Variants in PLEKHA5 observed in about 807,000 individuals in gnomAD.
PLEKHA5 encodes the protein pleckstrin homology domain containing A5, also known as pleckstrin homology domain-containing family A member 5.
In PLEKHA5, 55 loss-of-function variants were observed where a neutral mutation model predicts 181.9. The observed-to-expected ratio is 0.30, with a 90% CI of 0.24 to 0.38. PLEKHA5 has a LOEUF of 0.38. Ranked by LOEUF, PLEKHA5 falls within the 10% of genes least tolerant of loss-of-function variation. PLEKHA5 has a pLI of 1.00. For synonymous variants in PLEKHA5, 535 were observed against 529.4 expected, an observed-to-expected ratio of 1.01 and a Z score of -0.15; for missense variants, 1,432 against 1,549.5, an observed-to-expected ratio of 0.92 and a Z score of 1.27.
chr12:19,280,401 A>G (rs940336550), intron 11 of PLEKHA5, among the ~76,000 whole-genome samples: 2 of 152,116 alleles, frequency 1.3e-5, no homozygotes, highest in Non-Finnish European at 2.9e-5. Flanking sequence ...CTTTGGGTCA[A>G]AAGAGAGCTC....
At chr12:19,240,264 C>G (rs373726231) in intron 3 of PLEKHA5, among the ~76,000 whole-genome samples, 1 of 152,128 alleles carries the variant, frequency 6.6e-6, no homozygotes, top group East Asian at 1.9e-4. Context: ...AATTGTGTGG[C>G]AATTTATGTA....
intron 12 of PLEKHA5, among the ~76,000 whole-genome samples, chr12:19,286,279 A>G (rs1010089991): frequency 6.6e-6 from 1 of 152,216 alleles, no homozygotes; most frequent in East Asian, 1.9e-4. Context: ...TTTAAAGTAC[A>G]AATAGACCAA....
intron 20 of PLEKHA5, among the ~76,000 whole-genome samples, chr12:19,335,526 C>T (rs866044000): frequency 3.3e-5 from 5 of 151,594 alleles, no homozygotes; most frequent in Admixed American, 6.6e-5. Flanking sequence ...AGCGATTCTC[C>T]TGCCTCAGCC....
chr12:19,192,256 G>A (rs1308408492), intron 3 of PLEKHA5, among the ~76,000 whole-genome samples: 1 of 152,072 alleles, frequency 6.6e-6, no homozygotes, highest in Non-Finnish European at 1.5e-5. Flanking sequence ...AGGAAACTTG[G>A]AGAGAAGTCA....
intron 3 of PLEKHA5, among the ~76,000 whole-genome samples, chr12:19,192,009 G>A (rs1276668303): frequency 6.6e-6 from 1 of 152,118 alleles, no homozygotes; most frequent in Non-Finnish European, 1.5e-5. Flanking sequence ...ACAAAGGTGT[G>A]TATACCCTTG....
chr12:19,357,298 A>G (rs1592620895), intron 26 of PLEKHA5, among the ~76,000 whole-genome samples: 2 of 138,860 alleles, frequency 1.4e-5, no homozygotes, highest in Admixed American at 1.5e-4. Flanking sequence ...CTCATTGCCC[A>G]GGTTGGCACA....
At chr12:19,314,765 C>A in intron 15 of PLEKHA5, 49 bp from the exon 16 acceptor site, 2 of 959,724 alleles carry the variant, frequency 2.1e-6, no homozygotes, top group Non-Finnish European at 1.6e-6. Context: ...TCAAATCTAG[C>A]TATGCTGTAA....
Position 19,291,629 on chromosome 12 carries a change from A to C in PLEKHA5, c.1984-15A>C. The C allele has an allele frequency of 6.8e-7, 1 of 1,467,830 alleles. No homozygotes were observed. Among genetic ancestry groups the C allele is most frequent in the Non-Finnish European group, 9.2e-7 (1 of 1,091,624 alleles). The allele number at this position is 1,467,830 out of a possible 1,614,324, so 90.9% of individuals were successfully genotyped here. On this transcript the variant is annotated splice_polypyrimidine_tract_variant and intron_variant, in intron 14 of 31. Coordinates refer to ENST00000429027, the MANE Select transcript of PLEKHA5 (RefSeq NM_001256470.2). ...CTCTTTCTCTGTCCCTTTTTTCTTA[A>C]TTGGTGCCTACTAGAATGAAATTCT...
intron 15 of PLEKHA5, among the ~76,000 whole-genome samples, chr12:19,297,895 TGAG>T (rs978430452): frequency 6.6e-6 from 1 of 151,904 alleles, no homozygotes; most frequent in Non-Finnish European, 1.5e-5. Flanking sequence ...TATCAAATTC[TGAG>T]GAGGAGGGTA....
At chr12:19,196,667 T>C (rs1291221248) in intron 3 of PLEKHA5, among the ~76,000 whole-genome samples, 3 of 152,162 alleles carry the variant, frequency 2.0e-5, no homozygotes, top group African/African-American at 7.2e-5. Flanking sequence ...AAAACCTCTG[T>C]GACAATATTC....
chr12:19,132,932 T>C (rs2150987878), intron 3 of PLEKHA5, among the ~76,000 whole-genome samples: 1 of 150,898 alleles, frequency 6.6e-6, no homozygotes, highest in South Asian at 2.1e-4. Context: ...TCTTTTTTTT[T>C]TTTTTTTTTT....
intron 3 of PLEKHA5, among the ~76,000 whole-genome samples, chr12:19,211,128 T>C (rs2056809923): frequency 6.6e-6 from 1 of 152,086 alleles, no homozygotes; most frequent in Non-Finnish European, 1.5e-5. Flanking sequence ...TGTAAAAAAT[T>C]ACAGATATAC....
chr12:19,188,853 T>G (rs2050427514), intron 3 of PLEKHA5, among the ~76,000 whole-genome samples: 1 of 152,340 alleles, frequency 6.6e-6, no homozygotes, highest in East Asian at 1.9e-4. Context: ...TACTTAATGG[T>G]AAATGGGATT....
chr12:19,266,855 A>G (rs776298056), intron 8 of PLEKHA5, among the ~76,000 whole-genome samples: 1 of 152,172 alleles, frequency 6.6e-6, no homozygotes, highest in Non-Finnish European at 1.5e-5. Context: ...AAAGATATAT[A>G]TATGTACCTT....
At chr12:19,238,899 C>CTA (rs2061912471) in intron 3 of PLEKHA5, among the ~76,000 whole-genome samples, 1 of 147,778 alleles carries the variant, frequency 6.8e-6, no homozygotes, top group Non-Finnish European at 1.5e-5. Context: ...AGCAGTAAAA[C>CTA]AGAGCACTTG....
chr12:19,215,057 A>G (rs1202015587), intron 3 of PLEKHA5, among the ~76,000 whole-genome samples: 2 of 152,092 alleles, frequency 1.3e-5, no homozygotes, highest in Non-Finnish European at 2.9e-5. Context: ...CATGCCTGTA[A>G]TCCCAGCTAC....
intron 13 of PLEKHA5, chr12:19,288,077 CAAAAAAAAAAA>C (rs9300127): frequency 0.18 from 33,383 of 184,272 alleles, 2,497 homozygotes; most frequent in Middle Eastern, 0.39. Flanking sequence ...GACTCTGTCT[CAAAAAAAAAAA>C]AAAAAAAAAG....
At chr12:19,152,531 A>G (rs1359421787) in intron 3 of PLEKHA5, 1 of 152,234 alleles carries the variant, frequency 6.6e-6, no homozygotes, top group Non-Finnish European at 1.5e-5. Flanking sequence ...TTGCCCATGC[A>G]ATGCAGGTCA....
chr12:19,163,819 T>C (rs1223428322), intron 3 of PLEKHA5, among the ~76,000 whole-genome samples: 1 of 152,186 alleles, frequency 6.6e-6, no homozygotes, highest in Non-Finnish European at 1.5e-5. Flanking sequence ...CCTAACCTCC[T>C]AACCACCTCT....
Sources: allele counts gnomAD v4.1 joint callset (sites outside exome capture counted in the v4.1 genomes callset), GRCh38; gene constraint gnomAD v4.1.1; transcripts MANE v1.5; gene names NCBI Gene and HGNC (gene_info 2026-07-23, HGNC 2026-07-21).